Variants in OSBP2 observed in about 807,000 individuals in gnomAD.
OSBP2 encodes the protein oxysterol binding protein 2.
OSBP2 carries 66 observed loss-of-function variants against 96.0 expected under a neutral mutation model. The observed-to-expected ratio is 0.69, with a 90% CI of 0.56 to 0.84. The LOEUF (loss-of-function observed/expected upper bound fraction) is 0.84. Among genes scored for constraint, OSBP2 ranks in the 40% least tolerant of loss-of-function variants. The probability of loss-of-function intolerance (pLI) is 0.00; values close to 1 mark genes in which losing one functional copy is unlikely to be tolerated. For synonymous variants in OSBP2, 525 were observed against 520.9 expected (o/e 1.01, Z -0.11); for missense variants, 1,038 against 1,222.7 (o/e 0.85, Z 2.25).
rs536905968 is a variant in OSBP2 at position 30,749,142 on chromosome 22, G to A, written c.853+7773G>A. On this transcript the variant is annotated intron_variant, in intron 2 of 13. Coordinates refer to ENST00000332585, the MANE Select transcript of OSBP2 (RefSeq NM_030758.4). ...ACAAACAAACAAACAAAAAAGAATC[G>A]TGTATTTATTACAAAGGCTGGTGAT... Among the ~76,000 whole-genome samples the A allele has an allele frequency of 5.9e-5, 9 of 152,072 alleles. No homozygotes were observed. The East Asian group carries it at 7.7e-4, about 13-fold the overall frequency.
At chr22:30,798,578 TCC>T (rs2090799095) in intron 2 of OSBP2, among the ~76,000 whole-genome samples, 1 of 152,250 alleles carries the variant, frequency 6.6e-6, no homozygotes, top group African/African-American at 2.4e-5. Flanking sequence ...CAGTCTTTGA[TCC>T]TTTTGAGTTA....
At chr22:30,790,852 G>C (rs780400211) in intron 2 of OSBP2, among the ~76,000 whole-genome samples, 20 of 152,134 alleles carry the variant, frequency 1.3e-4, no homozygotes, top group Admixed American at 3.9e-4. Context: ...GAATCACGTG[G>C]TTGCCCTGAA....
chr22:30,783,020 G>A (rs911559028), intron 2 of OSBP2, among the ~76,000 whole-genome samples: 1 of 148,406 alleles, frequency 6.7e-6, no homozygotes, highest in Non-Finnish European at 1.5e-5. Context: ...AGACATGACA[G>A]TGTCTGTTAT....
intron 12 of OSBP2, among the ~76,000 whole-genome samples, chr22:30,901,612 C>T (rs1160247386): frequency 1.3e-5 from 2 of 152,154 alleles, no homozygotes; most frequent in African/African-American, 4.8e-5. Flanking sequence ...CGCCTGTAAT[C>T]CCAGCACTTT....
chr22:30,875,766 G>A (rs142807409), intron 3 of OSBP2, among the ~76,000 whole-genome samples: 52 of 152,296 alleles, frequency 3.4e-4, no homozygotes, highest in Non-Finnish European at 6.5e-4. Context: ...CAGCAGCCCC[G>A]TCATGAACTC....
At chr22:30,802,972 C>CCCG (rs2090874192) in intron 2 of OSBP2, 1 of 153,820 alleles carries the variant, frequency 6.5e-6, no homozygotes, top group Non-Finnish European at 1.5e-5. Context: ...GGGAGGCGGA[C>CCCG]CCGGAGCCGC....
At chr22:30,712,486 T>C (rs1307072787) in intron 1 of OSBP2, among the ~76,000 whole-genome samples, 1 of 152,212 alleles carries the variant, frequency 6.6e-6, no homozygotes, top group East Asian at 1.9e-4. Flanking sequence ...CCAGCTGCTA[T>C]GGAACCTCAG....
Position 30,874,724 on chromosome 22 carries a change from C to T in OSBP2, c.1107+4042C>T, listed in dbSNP as rs141717203. Among the ~76,000 whole-genome samples the T allele has an allele frequency of 8.5e-3, 1,301 of 152,356 alleles. 14 individuals carry two copies. The highest frequency in any genetic ancestry group is 0.014 in the Non-Finnish European group (943 of 68,022). The stretch of plus-strand genomic sequence containing the variant: ...CTGGATTGGGAATCTGGAACAGCAA[C>T]GCTGTGTTTCAACCCCCCACGCCTT... On this transcript the variant is annotated intron_variant, in intron 3 of 13. Coordinates refer to ENST00000332585, the MANE Select transcript of OSBP2 (RefSeq NM_030758.4).
chr22:30,709,643 A>G (rs2089312900), intron 1 of OSBP2, among the ~76,000 whole-genome samples: 1 of 151,610 alleles, frequency 6.6e-6, no homozygotes, highest in African/African-American at 2.4e-5. Context: ...AGCCTCCTGA[A>G]GTGCTGAGAT....
intron 2 of OSBP2, among the ~76,000 whole-genome samples, chr22:30,823,323 A>T (rs1197049416): frequency 6.6e-6 from 1 of 152,246 alleles, no homozygotes; most frequent in African/African-American, 2.4e-5. Context: ...AAACTCTGTA[A>T]GCTCTTGCCT....
intron 2 of OSBP2, among the ~76,000 whole-genome samples, chr22:30,802,900 C>G (rs1430354635): frequency 6.6e-6 from 1 of 152,112 alleles, no homozygotes. Flanking sequence ...CCTCTAGGTC[C>G]GGCTGCTCTC....
At chr22:30,851,528 C>G (rs1474188530) in intron 2 of OSBP2, among the ~76,000 whole-genome samples, 1 of 152,106 alleles carries the variant, frequency 6.6e-6, no homozygotes, top group African/African-American at 2.4e-5. Context: ...ATCATGTTAT[C>G]TGTAAGTAAA....
At chr22:30,830,654 AGCACACATGCTT>A (rs1445372700) in intron 2 of OSBP2, among the ~76,000 whole-genome samples, 1 of 152,218 alleles carries the variant, frequency 6.6e-6, no homozygotes, top group Non-Finnish European at 1.5e-5. Context: ...CCTGTCCCCC[AGCACACATGCTT>A]TGTTTTTGGC....
chr22:30,868,410 G>A (rs1044606780), intron 2 of OSBP2, among the ~76,000 whole-genome samples: 5 of 152,374 alleles, frequency 3.3e-5, no homozygotes, highest in African/African-American at 9.6e-5. Context: ...GGCCCAGCCC[G>A]TGTGGCCTCC....
At chr22:30,813,968 A>G (rs136240) in intron 2 of OSBP2, among the ~76,000 whole-genome samples, 56,815 of 151,616 alleles carry the variant, frequency 0.37, 10,855 homozygotes, top group Non-Finnish European at 0.43. Context: ...ACGTCCAGCA[A>G]ATTTTTTATT....
At chr22:30,812,047 G>T (rs1443591262) in intron 2 of OSBP2, among the ~76,000 whole-genome samples, 3 of 151,304 alleles carry the variant, frequency 2.0e-5, no homozygotes, top group Non-Finnish European at 4.4e-5. Context: ...TAGAGACAGG[G>T]TCTTGCTATG....
At chr22:30,747,241 A>G (rs1167871370) in intron 2 of OSBP2, among the ~76,000 whole-genome samples, 5 of 152,178 alleles carry the variant, frequency 3.3e-5, no homozygotes, top group African/African-American at 1.2e-4. Flanking sequence ...CTTAAAGGGT[A>G]TGGGGTTTCT....
chr22:30,818,312 G>A (rs548502712), intron 2 of OSBP2, among the ~76,000 whole-genome samples: 4 of 151,898 alleles, frequency 2.6e-5, no homozygotes, highest in Non-Finnish European at 5.9e-5. Flanking sequence ...TTATTTCCCT[G>A]ACATTATCAC....
chr22:30,898,967 C>T (rs530035634), intron 12 of OSBP2, among the ~76,000 whole-genome samples: 5 of 151,484 alleles, frequency 3.3e-5, no homozygotes, highest in Admixed American at 3.3e-4. Flanking sequence ...TAGAAAACTA[C>T]TGACAAGACT....
Sources: gnomAD v4.1 joint callset for allele counts (sites outside exome capture counted in the v4.1 genomes callset) on GRCh38, gnomAD v4.1.1 for gene constraint, MANE v1.5 for transcripts, NCBI Gene and HGNC (gene_info 2026-07-23, HGNC 2026-07-21) for gene names.